The following INPP4B variants were observed in gnomAD, a reference collection of about 807,000 sequenced individuals.
INPP4B encodes the protein inositol polyphosphate-4-phosphatase type II B, also known as inositol polyphosphate 4-phosphatase type II.
In INPP4B, 55 loss-of-function variants were observed where a neutral mutation model predicts 122.5. The observed-to-expected ratio is 0.45, with a 90% confidence interval of 0.36 to 0.56. The LOEUF is 0.56. Among genes scored for constraint, INPP4B ranks in the 20% least tolerant of loss-of-function variants. INPP4B has a pLI of 0.00. For missense variants in INPP4B, 1,000 were observed against 1,097.7 expected (o/e 0.91, Z 1.26); for synonymous variants, 403 against 388.7 (o/e 1.04, Z -0.43).
rs1273346574 is a variant in INPP4B, at chr4:142,206,138, G to A, written c.1072+2287C>T. On this transcript the variant is annotated intron_variant, in intron 14 of 25. Transcript: ENST00000262992. Reference sequence around the variant, plus strand: ...AATTTTATGAATTTACAAGGCAAAAGAGCTAAAGAGGGTAAACTTGCTCCT... The same window carrying A: ...AATTTTATGAATTTACAAGGCAAAAAAGCTAAAGAGGGTAAACTTGCTCCT... 2.6e-5 allele frequency among the ~76,000 whole-genome samples: 4 copies of A among 152,138 alleles called. No homozygotes were observed. The South Asian group carries it at 6.2e-4, about 24-fold the overall frequency.
chr4:142,218,516 G>A (rs193034654), intron 12 of INPP4B, among the ~76,000 whole-genome samples: 141 of 152,204 alleles, frequency 9.3e-4, no homozygotes, highest in Middle Eastern at 6.8e-3. Flanking sequence ...CGGAAAAGTC[G>A]TAAGACAAAA....
At chr4:142,112,834 T>C (rs1790908843) in intron 21 of INPP4B, 152 bp from the exon 22 acceptor site, 1 of 595,612 alleles carries the variant, frequency 1.7e-6, no homozygotes, top group South Asian at 2.8e-5. Flanking sequence ...ATTCATCTCC[T>C]TATTAAATTA....
At chr4:142,815,901 T>G (rs931150285) in intron 1 of INPP4B, among the ~76,000 whole-genome samples, 4 of 152,188 alleles carry the variant, frequency 2.6e-5, no homozygotes, top group African/African-American at 9.7e-5. Context: ...AATTGCTCAC[T>G]TTGTACTCAA....
At chr4:142,260,151 A>G (rs1306519002) in intron 11 of INPP4B, among the ~76,000 whole-genome samples, 2 of 152,044 alleles carry the variant, frequency 1.3e-5, no homozygotes, top group Non-Finnish European at 2.9e-5. Context: ...TGCCCAGCTA[A>G]TTTTTGGTAT....
intron 9 of INPP4B, among the ~76,000 whole-genome samples, chr4:142,304,980 GT>G (rs1328032608): frequency 6.6e-6 from 1 of 152,078 alleles, no homozygotes; most frequent in African/African-American, 2.4e-5. Flanking sequence ...AAGAAAGAAT[GT>G]GTTTTAACTG....
In INPP4B at chr4:142,034,806, C is replaced by T. The variant is rs531690587; in HGVS notation, c.2643-5892G>A. ...CCTTGTTACTCATAACTAACTTCTCCTGTCCTTTCTAAAGTATGGCTCCAG... is the reference window on the plus strand; with the variant it reads ...CCTTGTTACTCATAACTAACTTCTCTTGTCCTTTCTAAAGTATGGCTCCAG... On this transcript the variant is annotated intron_variant, in intron 25 of 25. Transcript: ENST00000262992. 2.0e-3 allele frequency among the ~76,000 whole-genome samples: 305 copies of T among 152,286 alleles called. 1 individual carries two copies. The South Asian group carries it at 0.024, about 12-fold the overall frequency.
intron 1 of INPP4B, among the ~76,000 whole-genome samples, chr4:142,731,928 C>A (rs1441008453): frequency 1.3e-5 from 2 of 152,134 alleles, no homozygotes; most frequent in Admixed American, 6.6e-5. Context: ...TTCTCAAATA[C>A]CATGAATAGG....
intron 2 of INPP4B, among the ~76,000 whole-genome samples, chr4:142,510,637 C>T (rs921343488): frequency 6.6e-6 from 1 of 152,120 alleles, no homozygotes; most frequent in Non-Finnish European, 1.5e-5. Flanking sequence ...ATTTTCATCA[C>T]CTACGTATTG....
intron 2 of INPP4B, among the ~76,000 whole-genome samples, chr4:142,612,363 C>T (rs1742731765): frequency 6.6e-6 from 1 of 152,210 alleles, no homozygotes; most frequent in Non-Finnish European, 1.5e-5. Context: ...TTATTTAACA[C>T]ATAGTGTGTA....
chr4:142,253,371 C>T (rs2150235498), intron 11 of INPP4B, among the ~76,000 whole-genome samples: 1 of 152,342 alleles, frequency 6.6e-6, no homozygotes, highest in Middle Eastern at 3.4e-3. Flanking sequence ...CGAATAGGAA[C>T]AGCTCCGGTC....
intron 9 of INPP4B, among the ~76,000 whole-genome samples, chr4:142,271,756 C>T: frequency 6.6e-6 from 1 of 152,056 alleles, no homozygotes; most frequent in East Asian, 1.9e-4. Flanking sequence ...CTATCTTCTC[C>T]AAGTCATTGA....
intron 2 of INPP4B, among the ~76,000 whole-genome samples, chr4:142,668,744 C>G (rs1219088114): frequency 6.6e-6 from 1 of 152,024 alleles, no homozygotes; most frequent in African/African-American, 2.4e-5. Context: ...TTTATAATAA[C>G]TACTAAAAAA....
At chr4:142,755,313 A>C (rs977229070) in intron 1 of INPP4B, among the ~76,000 whole-genome samples, 1 of 152,020 alleles carries the variant, frequency 6.6e-6, no homozygotes, top group African/African-American at 2.4e-5. Context: ...TTTCACTAGA[A>C]TCAATTAAAA....
At chr4:142,602,034 A>G (rs1348086703) in intron 2 of INPP4B, among the ~76,000 whole-genome samples, 1 of 151,986 alleles carries the variant, frequency 6.6e-6, no homozygotes, top group East Asian at 1.9e-4. Flanking sequence ...GAAGAACTAA[A>G]TAAAACAGAG....
chr4:142,446,003 A>G (rs1812835652), intron 3 of INPP4B, among the ~76,000 whole-genome samples: 1 of 152,194 alleles, frequency 6.6e-6, no homozygotes, highest in South Asian at 2.1e-4. Flanking sequence ...TCACTAAACT[A>G]TATATCAAAA....
rs1461123278 is a variant in INPP4B at position 142,788,271 on chromosome 4, T to C, written c.-254+57938A>G. Among the ~76,000 whole-genome samples, 3 of 152,094 alleles carry C rather than the reference T, an allele frequency of 2.0e-5. No individual in the cohort carries two copies. The East Asian group carries it at 5.8e-4, about 29-fold the overall frequency. On this transcript the variant is annotated intron_variant, in intron 1 of 25. Coordinates refer to ENST00000262992, the MANE Select transcript of INPP4B (RefSeq NM_001101669.3). ...TCAAATAAAATTTTAGTTAACTTTTTATAAAACATATTGAAAGTAGTAAAA... is the reference window on the plus strand; with the variant it reads ...TCAAATAAAATTTTAGTTAACTTTTCATAAAACATATTGAAAGTAGTAAAA...
intron 7 of INPP4B, among the ~76,000 whole-genome samples, chr4:142,351,156 T>A (rs749398488): frequency 2.0e-5 from 3 of 151,946 alleles, no homozygotes; most frequent in Non-Finnish European, 2.9e-5. Context: ...GCCTGACCCA[T>A]GTTCCCTCTG....
intron 11 of INPP4B, among the ~76,000 whole-genome samples, chr4:142,255,553 C>T (rs1461922888): frequency 6.6e-6 from 1 of 152,074 alleles, no homozygotes; most frequent in African/African-American, 2.4e-5. Flanking sequence ...GGGTTGCAAT[C>T]CTAGTTTCTG....
chr4:142,226,876 AC>A (rs1851826880), intron 12 of INPP4B, among the ~76,000 whole-genome samples: 1 of 152,188 alleles, frequency 6.6e-6, no homozygotes, highest in Non-Finnish European at 1.5e-5. Context: ...CCTACACTGA[AC>A]TGTTGGGTAG....
Sources: gnomAD v4.1 joint callset for allele counts (sites outside exome capture counted in the v4.1 genomes callset) on GRCh38, gnomAD v4.1.1 for gene constraint, MANE v1.5 for transcripts, NCBI Gene and HGNC (gene_info 2026-07-23, HGNC 2026-07-21) for gene names.